Variants in FAM227B observed in about 807,000 individuals in gnomAD.
FAM227B encodes family with sequence similarity 227 member B, also known as protein FAM227B.
FAM227B carries 88 observed loss-of-function variants against 73.8 expected under a neutral mutation model. That is an observed-to-expected ratio of 1.19 (90% CI 1.00 to 1.42). The LOEUF is 1.42. Ranked by LOEUF, FAM227B falls within the 40% of genes most tolerant of loss-of-function variation. The pLI, the probability that FAM227B is intolerant of heterozygous loss-of-function variation, is 0.00. For synonymous variants in FAM227B, 210 were observed against 190.5 expected, an observed-to-expected ratio of 1.10 and a Z score of -0.84; for missense variants, 632 against 590.9, an observed-to-expected ratio of 1.07 and a Z score of -0.72.
intron 10 of FAM227B, among the ~76,000 whole-genome samples, chr15:49,524,874 T>G (rs562354220): frequency 1.3e-5 from 2 of 152,170 alleles, no homozygotes; most frequent in Non-Finnish European, 2.9e-5. Context: ...CCGTGGCCCC[T>G]TTGTTTTGGC....
chr15:49,525,990 C>A (rs897818144), intron 10 of FAM227B, among the ~76,000 whole-genome samples: 2 of 151,668 alleles, frequency 1.3e-5, no homozygotes, highest in Non-Finnish European at 2.9e-5. Flanking sequence ...GACCTAGATA[C>A]CATCAAGGTA....
chr15:49,477,867 G>C (rs182126369), intron 11 of FAM227B, among the ~76,000 whole-genome samples: 1 of 152,128 alleles, frequency 6.6e-6, no homozygotes. Context: ...GTTTAGTCAC[G>C]CTAATAGTTG....
chr15:49,445,773 T>C (rs2052143886), intron 11 of FAM227B, among the ~76,000 whole-genome samples: 1 of 151,540 alleles, frequency 6.6e-6, no homozygotes, highest in Non-Finnish European at 1.5e-5. Context: ...CCTGCTCATG[T>C]TAGCCAAGAA....
At position 49,407,893 on chromosome 15, in the gene FAM227B, C is replaced by G. The variant is rs189369246; in HGVS notation, c.1013-36494G>C. On this transcript the variant is annotated intron_variant, in intron 11 of 15. Transcript: ENST00000299338. The stretch of plus-strand genomic sequence containing the variant: ...ATCCGCTGGCAATCTGTTTCTGTAC[C>G]TATAGTTTTTGCCTTTCTAGAACAT... Among the ~76,000 whole-genome samples, 74 of 152,022 alleles carry G rather than the reference C, an allele frequency of 4.9e-4. 1 individual carries two copies. The highest frequency in any genetic ancestry group is 3.9e-3 in the Admixed American group (60 of 15,264).
chr15:49,540,332 C>T (rs1240586752), intron 10 of FAM227B, among the ~76,000 whole-genome samples: 1 of 152,180 alleles, frequency 6.6e-6, no homozygotes, highest in Non-Finnish European at 1.5e-5. Context: ...TATTCCCCAT[C>T]TTTCTTTGTT....
At chr15:49,595,723 C>T (rs2076848935) in intron 3 of FAM227B, among the ~76,000 whole-genome samples, 1 of 150,504 alleles carries the variant, frequency 6.6e-6, no homozygotes, top group African/African-American at 2.4e-5. Context: ...AAATTAAATA[C>T]AGAATATGGA....
chr15:49,590,101 T>G lies in FAM227B; in HGVS notation c.106-94A>C, dbSNP rs983985910. 10 of 687,902 alleles carry G rather than the reference T, an allele frequency of 1.5e-5. No individual in the cohort carries two copies. The African/African-American group carries it at 1.7e-4, about 11-fold the overall frequency. The allele number at this position is 687,902 out of a possible 1,614,324, so 42.6% of individuals were successfully genotyped here. A position where few individuals can be genotyped will look rare whatever the true frequency, so the allele number is the denominator to read the frequency against. On this transcript the variant is annotated intron_variant, in intron 3 of 15. Coordinates refer to ENST00000299338, the MANE Select transcript of FAM227B (RefSeq NM_152647.3). Reference sequence around the variant, plus strand: ...AACCAATGAGCTATAATCGAGATTTTATTCCACAGCATTGTTTTTTATCAC... The same window carrying G: ...AACCAATGAGCTATAATCGAGATTTGATTCCACAGCATTGTTTTTTATCAC...
intron 11 of FAM227B, among the ~76,000 whole-genome samples, chr15:49,447,442 T>C (rs1233296599): frequency 1.3e-5 from 2 of 151,770 alleles, no homozygotes; most frequent in Non-Finnish European, 3.0e-5. Flanking sequence ...TACCCAGATG[T>C]GCATTACAAG....
intron 2 of FAM227B, among the ~76,000 whole-genome samples, chr15:49,611,809 C>T (rs971291843): frequency 3.3e-5 from 5 of 152,140 alleles, no homozygotes; most frequent in African/African-American, 9.7e-5. Context: ...TTCTCCTTTT[C>T]GCCTTAGAGA....
At chr15:49,428,152 G>A (rs895176899) in intron 11 of FAM227B, among the ~76,000 whole-genome samples, 2 of 151,812 alleles carry the variant, frequency 1.3e-5, no homozygotes, top group Non-Finnish European at 2.9e-5. Context: ...GACTCTTGAG[G>A]GGACAGAAGC....
chr15:49,603,563 C>T (rs776215566), intron 3 of FAM227B, among the ~76,000 whole-genome samples: 4 of 152,068 alleles, frequency 2.6e-5, no homozygotes, highest in African/African-American at 4.8e-5. Flanking sequence ...AATATAAGAT[C>T]GTATCATCTG....
rs547590971 is a variant in FAM227B, at chr15:49,577,549, G to C, written c.441+80C>G. The C allele has an allele frequency of 3.5e-6, 3 of 845,920 alleles. No homozygotes were observed. In the South Asian group the frequency reaches 5.7e-5, roughly 16 times the overall value. The allele number at this position is 845,920 out of a possible 1,614,324, so 52.4% of individuals were successfully genotyped here. A position where few individuals can be genotyped will look rare whatever the true frequency, so the allele number is the denominator to read the frequency against. ...TACCTCTCTCTATATTTAGAGCCTTGTTTATATTGTTGTAAACATTATTTT... is the reference window on the plus strand; with the variant it reads ...TACCTCTCTCTATATTTAGAGCCTTCTTTATATTGTTGTAAACATTATTTT... On this transcript the variant is annotated intron_variant, in intron 6 of 15. Coordinates refer to ENST00000299338, the MANE Select transcript of FAM227B (RefSeq NM_152647.3).
At chr15:49,494,919 T>G (rs2057463324) in intron 11 of FAM227B, among the ~76,000 whole-genome samples, 1 of 152,182 alleles carries the variant, frequency 6.6e-6, no homozygotes, top group East Asian at 1.9e-4. Flanking sequence ...CACACCTCAC[T>G]GCAAAGAGTC....
intron 11 of FAM227B, among the ~76,000 whole-genome samples, chr15:49,417,633 G>A (rs2049308859): frequency 6.6e-6 from 1 of 152,098 alleles, no homozygotes; most frequent in Non-Finnish European, 1.5e-5. Flanking sequence ...GCAGACTGAA[G>A]CTGGACCCCT....
chr15:49,495,052 C>CA (rs893713022), intron 11 of FAM227B, among the ~76,000 whole-genome samples: 3 of 152,138 alleles, frequency 2.0e-5, no homozygotes, highest in Non-Finnish European at 4.4e-5. Flanking sequence ...TTCACTTCTC[C>CA]ATAACACAGC....
chr15:49,415,634 C>A (rs1249549980), intron 11 of FAM227B, among the ~76,000 whole-genome samples: 1 of 152,118 alleles, frequency 6.6e-6, no homozygotes, highest in East Asian at 1.9e-4. Flanking sequence ...TTTAGATTAG[C>A]ATTTCAGATA....
chr15:49,359,157 C>G (rs1216676350), intron 13 of FAM227B, among the ~76,000 whole-genome samples: 2 of 150,192 alleles, frequency 1.3e-5, no homozygotes, highest in African/African-American at 4.9e-5. Context: ...CTAGGCATTA[C>G]CATTCAGGAC....
chr15:49,503,129 TAA>T (rs2058285358), intron 11 of FAM227B, among the ~76,000 whole-genome samples: 1 of 151,936 alleles, frequency 6.6e-6, no homozygotes, highest in African/African-American at 2.4e-5. Context: ...CACACATCTA[TAA>T]CTATCTGATC....
At chr15:49,528,406 A>C (rs1339822897) in intron 10 of FAM227B, among the ~76,000 whole-genome samples, 1 of 151,772 alleles carries the variant, frequency 6.6e-6, no homozygotes, top group Non-Finnish European at 1.5e-5. Flanking sequence ...TCCAGAAAAA[A>C]AAACTAGGAA....
Sources: gnomAD v4.1 joint callset for allele counts (sites outside exome capture counted in the v4.1 genomes callset) on GRCh38, gnomAD v4.1.1 for gene constraint, MANE v1.5 for transcripts, NCBI Gene and HGNC (gene_info 2026-07-23, HGNC 2026-07-21) for gene names.